Variants in TAC1 observed in about 807,000 individuals in gnomAD.
TAC1 encodes the protein tachykinin precursor 1.
TAC1 carries 12 observed loss-of-function variants against 21.7 expected under a neutral mutation model. The observed-to-expected ratio is 0.55, with a 90% CI of 0.35 to 0.89. The LOEUF (loss-of-function observed/expected upper bound fraction) is 0.89. TAC1 is among the 40% of genes least tolerant of loss of function. TAC1 has a pLI of 0.01. For missense variants in TAC1, 128 were observed against 151.4 expected (o/e 0.85, Z 0.81); for synonymous variants, 52 against 52.0 (o/e 1.00, Z 0.00).
chr7:97,733,030 T>C, intron 2 of TAC1: 1 of 317,174 alleles, frequency 3.2e-6, no homozygotes. Context: ...CTCGTAAGAT[T>C]TCATCCCCCA....
intron 6 of TAC1, among the ~76,000 whole-genome samples, chr7:97,737,243 CA>C (rs1220142511): frequency 6.6e-6 from 1 of 151,902 alleles, no homozygotes; most frequent in African/African-American, 2.4e-5. Flanking sequence ...ATTTTGCCTT[CA>C]GTGAAAATAG....
chr7:97,732,971 G>T lies in TAC1; in HGVS notation c.123+236G>T. On this transcript the variant is annotated intron_variant, in intron 2 of 6. Coordinates refer to ENST00000319273, the MANE Select transcript of TAC1 (RefSeq NM_003182.3). This position sits in a 1 kb window ranked among gnomAD's most constrained non-coding sequence, Gnocchi z 6.2. The stretch of plus-strand genomic sequence containing the variant: ...CCGTCCGGCCCAGGAACTCCCTGCA[G>T]TAGGGATGCCCTCCCGGATGAGCCC... 4 of 489,014 alleles carry T rather than the reference G, an allele frequency of 8.2e-6. No individual in the cohort carries two copies. Among genetic ancestry groups the T allele is most frequent in the South Asian group, 3.1e-5 (1 of 31,934 alleles). 30.3% of individuals were successfully genotyped at this position (489,014 alleles called of 1,614,324 possible).
Position 97,732,720 on chromosome 7 carries a change from C to T in TAC1, c.108C>T (p.Asp36=), listed in dbSNP as rs1562783616. 1 of 1,613,902 alleles carries T rather than the reference C, an allele frequency of 6.2e-7. No homozygotes were observed. The highest frequency in any genetic ancestry group is 2.2e-5 in the East Asian group (1 of 44,868). ...TGAATTACTGGTCCGACTGGTACGA[C>T]AGCGACCAGATCAAGGTGAGGCCCC... ...DDLNYWSDWY[D]SDQIKEELPE... is the part of the protein sequence containing the mutation. Residue 36 remains aspartate (D), a synonymous_variant, in exon 2 of 7, where the codon GAC becomes GAT. Transcript: ENST00000319273. The surrounding 1 kb of genome is among the most constrained non-coding windows in gnomAD (Gnocchi z 6.2).
At chr7:97,738,641 G>C (rs1197599281) in intron 6 of TAC1, among the ~76,000 whole-genome samples, 1 of 100,230 alleles carries the variant, frequency 1.0e-5, no homozygotes, top group African/African-American at 2.8e-5. Flanking sequence ...GCAGCTTATT[G>C]TTAACCGCAC....
chr7:97,738,552 G>C (rs1789626070), intron 6 of TAC1, among the ~76,000 whole-genome samples: 1 of 151,964 alleles, frequency 6.6e-6, no homozygotes, highest in Admixed American at 6.6e-5. Context: ...GAAATAAACT[G>C]TTTCCTTCCC....
intron 3 of TAC1, 32 bp downstream of exon 3, chr7:97,733,851 G>C: frequency 1.9e-6 from 3 of 1,605,070 alleles, no homozygotes; most frequent in Non-Finnish European, 2.6e-6. Flanking sequence ...AGGTGTCTTG[G>C]GCAGCCCGCC....
At chr7:97,734,195 T>C (rs888006568) in intron 3 of TAC1, 53 bp from the exon 4 acceptor site, 2 of 1,551,462 alleles carry the variant, frequency 1.3e-6, no homozygotes, top group African/African-American at 1.4e-5. Context: ...TTTCCTTGAA[T>C]TCATCGCACG....
At chr7:97,736,695 A>T (rs1357724857) in intron 6 of TAC1, among the ~76,000 whole-genome samples, 2 of 152,078 alleles carry the variant, frequency 1.3e-5, no homozygotes, top group African/African-American at 4.8e-5. Context: ...TGGGGAGTGC[A>T]GGGAAGAATG....
At chr7:97,738,010 T>A (rs1357086580) in intron 6 of TAC1, among the ~76,000 whole-genome samples, 1 of 152,038 alleles carries the variant, frequency 6.6e-6, no homozygotes, top group Non-Finnish European at 1.5e-5. Flanking sequence ...TACAATTAAA[T>A]GTACTTAAAA....
At chr7:97,735,183 TAAAC>T (rs894898403) in intron 5 of TAC1, among the ~76,000 whole-genome samples, 5 of 152,198 alleles carry the variant, frequency 3.3e-5, no homozygotes, top group Admixed American at 6.5e-5. Flanking sequence ...ACTTTCACTG[TAAAC>T]AAACAAACAA....
intron 5 of TAC1, 97 bp from the exon 6 acceptor site, chr7:97,736,202 T>C: frequency 6.3e-6 from 6 of 959,094 alleles, no homozygotes; most frequent in Non-Finnish European, 7.8e-6. Flanking sequence ...ATATTTATTA[T>C]ACAGACATAT....
At position 97,736,347 on chromosome 7, in the gene TAC1, A is replaced by C. The variant is rs1396329088; in HGVS notation, c.338A>C (p.Asn113Thr). Residue 113 changes from asparagine to threonine, a missense_variant, in exon 6 of 7, where the codon AAT becomes ACT. Asn to Thr is a moderately conservative substitution (Grantham distance 65). Transcript: ENST00000319273. The stretch of plus-strand genomic sequence containing the variant: ...GGACTAATGGGCAAAAGAGCTTTAA[A>C]TTCTGGTATGTATGAAATTATGACT... Reference protein sequence around the residue: ...FVGLMGKRALNSVAYERSAMQ... With the variant: ...FVGLMGKRALTSVAYERSAMQ... 12 of 1,610,514 alleles carry C rather than the reference A, an allele frequency of 7.5e-6. No homozygotes were observed. The highest frequency in any genetic ancestry group is 9.3e-6 in the Non-Finnish European group (11 of 1,177,648).
At chr7:97,734,433 TTCTC>T (rs542806982) in intron 4 of TAC1, 141 bp downstream of exon 4, 9,532 of 692,368 alleles carry the variant, frequency 0.014, 101 homozygotes, top group African/African-American at 0.022. Context: ...CTCTCTCGGT[TTCTC>T]TCTCTCTCTG....
Position 97,732,708 on chromosome 7 carries a change from C to G in TAC1, c.96C>G (p.Ser32=), listed in dbSNP as rs754009148. The change falls in exon 2 of 7, where the codon TCC becomes TCG. Residue 32 remains serine, a synonymous_variant. Coordinates refer to ENST00000319273, the MANE Select transcript of TAC1 (RefSeq NM_003182.3). This position sits in a 1 kb window ranked among gnomAD's most constrained non-coding sequence, Gnocchi z 6.2. ...CCAATGATGATCTGAATTACTGGTC[C>G]GACTGGTACGACAGCGACCAGATCA... ...IGANDDLNYW[S]DWYDSDQIKE... 2 of 1,613,830 alleles carry G rather than the reference C, an allele frequency of 1.2e-6. No homozygotes were observed. The highest frequency in any genetic ancestry group is 1.7e-6 in the Non-Finnish European group (2 of 1,180,030).
intron 4 of TAC1, among the ~76,000 whole-genome samples, 177 bp from the exon 5 acceptor site, chr7:97,734,649 A>G (rs1018320223): frequency 6.6e-6 from 1 of 152,106 alleles, no homozygotes; most frequent in African/African-American, 2.4e-5. Context: ...TTGTTTAAAT[A>G]TTTAGTTTTT....
chr7:97,732,845 A>G lies in TAC1; in HGVS notation c.123+110A>G. 1.4e-6 allele frequency: 2 copies of G among 1,405,460 alleles called. No homozygotes were observed. Among genetic ancestry groups the G allele is most frequent in the Non-Finnish European group, 1.9e-6 (2 of 1,043,784 alleles). 87.1% of individuals were successfully genotyped at this position (1,405,460 alleles called of 1,614,324 possible). On this transcript the variant is annotated intron_variant, in intron 2 of 6. Transcript: ENST00000319273. This position sits in a 1 kb window ranked among gnomAD's most constrained non-coding sequence, Gnocchi z 6.2. ...CGTGGCACGCACCGCCACCACGGAAAGAGGCAGCGGTTGCGTGCGAGAGGA... is the reference window on the plus strand; with the variant it reads ...CGTGGCACGCACCGCCACCACGGAAGGAGGCAGCGGTTGCGTGCGAGAGGA...
intron 6 of TAC1, among the ~76,000 whole-genome samples, chr7:97,739,159 A>T (rs1196945932): frequency 6.6e-6 from 1 of 151,888 alleles, no homozygotes; most frequent in East Asian, 1.9e-4. Context: ...TGGTATTTAG[A>T]TGGCTCAACT....
In TAC1 at chr7:97,736,310, G is replaced by A; in HGVS notation, c.301G>A (p.Asp101Asn). Residue 101 changes from aspartate (D) to asparagine (N), a missense_variant, in exon 6 of 7, where the codon GAT (aspartate) becomes AAT (asparagine). Physicochemically the swap from Asp to Asn is conservative, Grantham distance 23. Transcript: ENST00000319273. ...ATGTATTTTTCCAGGACATAAAACA[G>A]ATTCCTTTGTTGGACTAATGGGCAA... ...GQISHKRHKT[D>N]SFVGLMGKRA... 1 of 1,611,584 alleles carries A rather than the reference G, an allele frequency of 6.2e-7. No homozygotes were observed. The highest frequency in any genetic ancestry group is 8.5e-7 in the Non-Finnish European group (1 of 1,178,458).
Position 97,732,976 on chromosome 7 carries a change from G to C in TAC1, c.123+241G>C, listed in dbSNP as rs1225226572. On this transcript the variant is annotated intron_variant, in intron 2 of 6. Coordinates refer to ENST00000319273, the MANE Select transcript of TAC1 (RefSeq NM_003182.3). The surrounding 1 kb of genome is among the most constrained non-coding windows in gnomAD (Gnocchi z 6.2). Reference sequence around the variant, plus strand: ...CGGCCCAGGAACTCCCTGCAGTAGGGATGCCCTCCCGGATGAGCCCGAGAT... The same window carrying C: ...CGGCCCAGGAACTCCCTGCAGTAGGCATGCCCTCCCGGATGAGCCCGAGAT... 2.1e-5 allele frequency: 9 copies of C among 431,206 alleles called. No homozygotes were observed. Among genetic ancestry groups the C allele is most frequent in the Non-Finnish European group, 3.7e-5 (9 of 242,244 alleles). 26.7% of individuals were successfully genotyped at this position (431,206 alleles called of 1,614,324 possible).
Sources: gnomAD v4.1 joint callset for allele counts (sites outside exome capture counted in the v4.1 genomes callset) on GRCh38, gnomAD v4.1.1 for gene constraint, Gnocchi (gnomAD v3.1) non-coding constraint, MANE v1.5 for transcripts, NCBI Gene and HGNC (gene_info 2026-07-23, HGNC 2026-07-21) for gene names.